Variants in ERBB4 observed in about 807,000 individuals in gnomAD.
ERBB4 encodes the protein erb-b2 receptor tyrosine kinase 4, also known as receptor tyrosine-protein kinase erbB-4.
Under a neutral mutation model 158.0 loss-of-function variants are expected in ERBB4, and 42 were observed. The observed-to-expected ratio is 0.27, with a 90% CI of 0.21 to 0.34. The LOEUF is 0.34. Among genes scored for constraint, ERBB4 ranks in the 10% least tolerant of loss-of-function variants. ERBB4 has a pLI of 1.00. For synonymous variants in ERBB4, 583 were observed against 558.7 expected (o/e 1.04, Z -0.61); for missense variants, 1,333 against 1,624.1 (o/e 0.82, Z 3.08).
rs1392357494 is a variant in ERBB4, at chr2:211,383,499, A to T, written c.*116T>A. On this transcript the variant is annotated 3_prime_UTR_variant, in exon 28 of 28. Transcript: ENST00000342788. The stretch of plus-strand genomic sequence containing the variant: ...CTATCATTGCATCTCTGTATCTTCC[A>T]CTGGGAAGTGTCAAAACTACTGGCC... 2 of 794,558 alleles carry T rather than the reference A, an allele frequency of 2.5e-6. No individual in the cohort carries two copies. The highest frequency in any genetic ancestry group is 4.4e-6 in the Non-Finnish European group (2 of 457,636). The allele number at this position is 794,558 out of a possible 1,614,324, so 49.2% of individuals were successfully genotyped here.
At chr2:212,416,225 T>C (rs974506394) in intron 1 of ERBB4, among the ~76,000 whole-genome samples, 2 of 152,164 alleles carry the variant, frequency 1.3e-5, no homozygotes, top group Non-Finnish European at 2.9e-5. Flanking sequence ...CCTATTTATC[T>C]GCCATATCCA....
chr2:212,426,095 T>A (rs2091905781), intron 1 of ERBB4, among the ~76,000 whole-genome samples: 1 of 152,070 alleles, frequency 6.6e-6, no homozygotes, highest in African/African-American at 2.4e-5. Context: ...TGAACTTCTT[T>A]ATAATCTATT....
intron 2 of ERBB4, among the ~76,000 whole-genome samples, chr2:212,061,543 C>T (rs2077768202): frequency 7.1e-6 from 1 of 141,312 alleles, no homozygotes; most frequent in Admixed American, 7.2e-5. Flanking sequence ...TTCTGGCATT[C>T]ATTACACTTC....
At chr2:211,944,978 C>A (rs2080639087) in intron 3 of ERBB4, among the ~76,000 whole-genome samples, 1 of 152,102 alleles carries the variant, frequency 6.6e-6, no homozygotes, top group African/African-American at 2.4e-5. Context: ...AAAATTAAGG[C>A]CAGTCCAGTA....
intron 3 of ERBB4, among the ~76,000 whole-genome samples, chr2:211,885,423 T>C (rs1274613460): frequency 6.6e-6 from 1 of 152,022 alleles, no homozygotes; most frequent in South Asian, 2.1e-4. Flanking sequence ...TAATGGAAGA[T>C]CTGTAGAGAA....
chr2:212,458,299 G>GA lies in ERBB4; in HGVS notation c.82+80149dup, dbSNP rs202020734. 9.0e-3 allele frequency among the ~76,000 whole-genome samples: 1,372 copies of GA among 151,870 alleles called. 22 individuals are homozygous for GA. The highest frequency in any genetic ancestry group is 0.032 in the African/African-American group (1,312 of 41,488). The stretch of plus-strand genomic sequence containing the variant: ...TTTTTTTTAGGGGGTAGGGAATCAG[G>GA]AAAAAAATGGTAAGAATTCTCTTTT... On this transcript the variant is annotated intron_variant, in intron 1 of 27. Coordinates refer to ENST00000342788, the MANE Select transcript of ERBB4 (RefSeq NM_005235.3).
chr2:211,505,062 G>C (rs1283158894), intron 20 of ERBB4, among the ~76,000 whole-genome samples: 1 of 152,040 alleles, frequency 6.6e-6, no homozygotes, highest in Non-Finnish European at 1.5e-5. Flanking sequence ...CCACAATCTT[G>C]CTAGAGATTC....
chr2:212,314,015 A>G (rs12694270), intron 1 of ERBB4, among the ~76,000 whole-genome samples: 17,017 of 151,092 alleles, frequency 0.11, 1,750 homozygotes, highest in African/African-American at 0.27. Flanking sequence ...CCAAACAGTG[A>G]AAAATATAGT....
At chr2:211,416,820 T>G (rs990338605) in intron 25 of ERBB4, among the ~76,000 whole-genome samples, 14 of 151,936 alleles carry the variant, frequency 9.2e-5, no homozygotes, top group African/African-American at 2.9e-4. Context: ...TCCCTTTTTT[T>G]TTTTTTTTTT....
intron 1 of ERBB4, among the ~76,000 whole-genome samples, chr2:212,155,736 G>C (rs1575717311): frequency 6.6e-6 from 1 of 152,048 alleles, no homozygotes; most frequent in Non-Finnish European, 1.5e-5. Context: ...TGACAAATCA[G>C]AGTAGTTTTA....
At chr2:211,745,605 G>C (rs533385205) in intron 5 of ERBB4, among the ~76,000 whole-genome samples, 34 of 151,438 alleles carry the variant, frequency 2.2e-4, no homozygotes, top group African/African-American at 8.0e-4. Context: ...ATCCTTTCCA[G>C]TTTATTATAA....
At chr2:211,729,913 C>T (rs930102436) in intron 5 of ERBB4, among the ~76,000 whole-genome samples, 1 of 151,706 alleles carries the variant, frequency 6.6e-6, no homozygotes, top group African/African-American at 2.4e-5. Flanking sequence ...GCGGTATGCA[C>T]TAAATGTGAT....
intron 2 of ERBB4, among the ~76,000 whole-genome samples, chr2:212,041,739 G>A (rs1056559282): frequency 8.6e-5 from 13 of 151,966 alleles, no homozygotes; most frequent in East Asian, 1.9e-4. Context: ...GCTCAAAGAC[G>A]TCTCTGGAGT....
intron 4 of ERBB4, among the ~76,000 whole-genome samples, chr2:211,776,185 AT>A (rs2075870292): frequency 2.0e-5 from 3 of 152,146 alleles, no homozygotes; most frequent in Non-Finnish European, 4.4e-5. Flanking sequence ...AGTACATTTG[AT>A]TTCAGCTGGA....
intron 16 of ERBB4, among the ~76,000 whole-genome samples, chr2:211,631,078 G>C (rs113621513): frequency 6.6e-6 from 1 of 152,202 alleles, no homozygotes; most frequent in African/African-American, 2.4e-5. Context: ...TTGTTGTCGC[G>C]AAGTGTCCTG....
intron 3 of ERBB4, among the ~76,000 whole-genome samples, chr2:211,837,129 G>C (rs1439238): frequency 0.21 from 32,661 of 151,926 alleles, 3,655 homozygotes; most frequent in South Asian, 0.33. Flanking sequence ...ACATAAAATA[G>C]ATCTTAAAAT....
At chr2:211,871,590 C>T (rs938239834) in intron 3 of ERBB4, among the ~76,000 whole-genome samples, 1 of 151,312 alleles carries the variant, frequency 6.6e-6, no homozygotes, top group Non-Finnish European at 1.5e-5. Context: ...CACCTATGTT[C>T]ACGTACTACA....
At chr2:212,436,037 C>G (rs1170559179) in intron 1 of ERBB4, among the ~76,000 whole-genome samples, 1 of 151,748 alleles carries the variant, frequency 6.6e-6, no homozygotes, top group Non-Finnish European at 1.5e-5. Flanking sequence ...CCCAAGACAA[C>G]AGAGTAATTA....
rs2068183890 is a variant in ERBB4, at chr2:211,583,927, C to A, written c.2302-21839G>T. 2.0e-5 allele frequency among the ~76,000 whole-genome samples: 3 copies of A among 150,416 alleles called. No individual in the cohort carries two copies. The South Asian group carries it at 6.4e-4, about 32-fold the overall frequency. On this transcript the variant is annotated intron_variant, in intron 19 of 27. Transcript: ENST00000342788. ...GTTTCCTTTAATAGTACAATTCAAA[C>A]AATTTAAAATGCAATTTTAACTACT...
Sources: gnomAD v4.1 joint callset for allele counts (sites outside exome capture counted in the v4.1 genomes callset) on GRCh38, gnomAD v4.1.1 for gene constraint, MANE v1.5 for transcripts, NCBI Gene and HGNC (gene_info 2026-07-23, HGNC 2026-07-21) for gene names.